SV2B: variants seen among roughly 807,000 people sequenced by gnomAD.
The protein encoded by SV2B is solute carrier family 22 member B2.
SV2B carries 41 observed loss-of-function variants against 73.9 expected under a neutral mutation model. The observed-to-expected ratio is 0.56, with a 90% confidence interval of 0.43 to 0.72. SV2B has a LOEUF of 0.72. Among genes scored for constraint, SV2B ranks in the 30% least tolerant of loss-of-function variants. The pLI is 0.00. For synonymous variants in SV2B, 314 were observed against 314.2 expected (o/e 1.00, Z 0.01); for missense variants, 764 against 857.8 (o/e 0.89, Z 1.37).
rs371434140 is a variant in SV2B at position 91,281,907 on chromosome 15, A to G, written c.1507+46A>G. On this transcript the variant is annotated intron_variant, in intron 10 of 12. Coordinates refer to ENST00000394232, the MANE Select transcript of SV2B (RefSeq NM_001323032.3). This position sits in a 1 kb window ranked among gnomAD's most constrained non-coding sequence, Gnocchi z 4.7. ...ATTGAATAGAAAGTAACAGGAGACAACTTGTGTTGTCCAAGAATCAAAATG... is the reference window on the plus strand; with the variant it reads ...ATTGAATAGAAAGTAACAGGAGACAGCTTGTGTTGTCCAAGAATCAAAATG... 4.5e-6 allele frequency: 7 copies of G among 1,552,868 alleles called. No homozygotes were observed. The East Asian group carries it at 1.1e-4, about 25-fold the overall frequency.
At position 91,300,575 on chromosome 15, in the gene SV2B, G is replaced by A. The variant is rs1010329230; in HGVS notation, c.*8023G>A. The A allele has an allele frequency of 2.6e-5, 4 of 152,204 alleles. No homozygotes were observed. The highest frequency in any genetic ancestry group is 2.0e-4 in the Admixed American group (3 of 15,292). The allele number at this position is 152,204 out of a possible 1,614,324, so 9.4% of individuals were successfully genotyped here. A position where few individuals can be genotyped will look rare whatever the true frequency, so the allele number is the denominator to read the frequency against. On this transcript the variant is annotated 3_prime_UTR_variant, in exon 13 of 13. Coordinates refer to ENST00000394232, the MANE Select transcript of SV2B (RefSeq NM_001323032.3). ...CAGGTTTCATTCTCTCCAGTGGGAGGTGGCCTAGACAGGTGCCGGTTTTGG... is the reference window on the plus strand; with the variant it reads ...CAGGTTTCATTCTCTCCAGTGGGAGATGGCCTAGACAGGTGCCGGTTTTGG...
intron 9 of SV2B, among the ~76,000 whole-genome samples, chr15:91,274,681 T>G (rs2048426806): frequency 6.6e-6 from 1 of 152,214 alleles, no homozygotes; most frequent in Admixed American, 6.5e-5. Flanking sequence ...TCTCACCAGC[T>G]ATTTAGAAGT....
rs976138265 is a variant in SV2B at position 91,197,603 on chromosome 15, G to C, written c.-391-28270G>C. Among the ~76,000 whole-genome samples, 1 of 151,966 alleles carries C rather than the reference G, an allele frequency of 6.6e-6. No individual in the cohort carries two copies. The highest frequency in any genetic ancestry group is 1.5e-5 in the Non-Finnish European group (1 of 67,998). On this transcript the variant is annotated intron_variant, in intron 1 of 12. Coordinates refer to ENST00000394232, the MANE Select transcript of SV2B (RefSeq NM_001323032.3). This position sits in a 1 kb window ranked among gnomAD's most constrained non-coding sequence, Gnocchi z 4.9. ...ACAAAATCACTGTAAAGACAAGAATGGATAAGTAAGGAGAGTTATCCCTAG... is the reference window on the plus strand; with the variant it reads ...ACAAAATCACTGTAAAGACAAGAATCGATAAGTAAGGAGAGTTATCCCTAG...
rs75673298 is a variant in SV2B at position 91,236,840 on chromosome 15, C to T, written c.451+10126C>T. ...CCCACACAAATATCTGGTACCCAAA[C>T]TGGAAGACGCAGATGGCTGGGGCTT... is the stretch of plus-strand genomic sequence containing the variant. On this transcript the variant is annotated intron_variant, in intron 2 of 12. Coordinates refer to ENST00000394232, the MANE Select transcript of SV2B (RefSeq NM_001323032.3). The surrounding 1 kb of genome is among the most constrained non-coding windows in gnomAD (Gnocchi z 4.1). 1.4e-3 allele frequency among the ~76,000 whole-genome samples: 215 copies of T among 152,200 alleles called. 1 individual carries two copies. The highest frequency in any genetic ancestry group is 3.1e-3 in the Admixed American group (48 of 15,280).
chr15:91,276,799 GTTGTTGTTA>G (rs372931590), intron 9 of SV2B, among the ~76,000 whole-genome samples: 12,066 of 77,242 alleles, frequency 0.16, 565 homozygotes, highest in Middle Eastern at 0.21. Flanking sequence ...TTATATTATT[GTTGTTGTTA>G]TTATTATTAT....
chr15:91,171,524 CT>C (rs1158944787), intron 1 of SV2B, among the ~76,000 whole-genome samples: 1 of 152,158 alleles, frequency 6.6e-6, no homozygotes, highest in East Asian at 1.9e-4. Flanking sequence ...TCACTTTATG[CT>C]CCCCTGGTCT....
chr15:91,147,399 C>G (rs1177925089), intron 1 of SV2B, among the ~76,000 whole-genome samples: 4 of 152,316 alleles, frequency 2.6e-5, no homozygotes, highest in Non-Finnish European at 4.4e-5. Flanking sequence ...TGCAGCCACT[C>G]CCCTCTTGGG....
chr15:91,255,222 G>T (rs2047642407), intron 4 of SV2B, among the ~76,000 whole-genome samples: 1 of 152,164 alleles, frequency 6.6e-6, no homozygotes, highest in Non-Finnish European at 1.5e-5. Context: ...AAGAATTCAG[G>T]TTGGGGACAT....
chr15:91,260,900 G>A (rs1332554675), intron 6 of SV2B, among the ~76,000 whole-genome samples: 1 of 152,172 alleles, frequency 6.6e-6, no homozygotes, highest in East Asian at 1.9e-4. Flanking sequence ...AGAACAGTAT[G>A]GGTGAAACCA....
chr15:91,254,534 G>T (rs1390661170), intron 4 of SV2B, among the ~76,000 whole-genome samples: 1 of 152,156 alleles, frequency 6.6e-6, no homozygotes, highest in African/African-American at 2.4e-5. Flanking sequence ...ACAGTGCCCG[G>T]CTTATTTTCA....
intron 5 of SV2B, 127 bp from the exon 6 acceptor site, chr15:91,260,193 T>C: frequency 2.7e-6 from 2 of 751,224 alleles, no homozygotes. Flanking sequence ...CCATGTGCAA[T>C]TGCCTCAGAC....
chr15:91,202,493 ATGAT>A (rs2045494986), intron 1 of SV2B, among the ~76,000 whole-genome samples: 3 of 152,206 alleles, frequency 2.0e-5, no homozygotes, highest in Non-Finnish European at 1.5e-5. Context: ...CTTGGGAAAA[ATGAT>A]TGATCTCTGT....
intron 1 of SV2B, among the ~76,000 whole-genome samples, chr15:91,167,091 G>A (rs922250389): frequency 6.6e-6 from 1 of 152,124 alleles, no homozygotes; most frequent in Non-Finnish European, 1.5e-5. Context: ...GGGATTACAG[G>A]CGTGAGCCAC....
intron 1 of SV2B, among the ~76,000 whole-genome samples, chr15:91,225,536 A>T (rs1018114324): frequency 4.0e-5 from 6 of 151,796 alleles, no homozygotes; most frequent in Non-Finnish European, 7.4e-5. Context: ...ATTTTATTTT[A>T]TTTTTTTATT....
At chr15:91,148,877 A>G (rs867768772) in intron 1 of SV2B, among the ~76,000 whole-genome samples, 1 of 152,186 alleles carries the variant, frequency 6.6e-6, no homozygotes, top group Non-Finnish European at 1.5e-5. Context: ...TGAACTGGAT[A>G]AATCCTACCC....
At chr15:91,134,223 C>A (rs748553016) in intron 1 of SV2B, among the ~76,000 whole-genome samples, 24 of 152,176 alleles carry the variant, frequency 1.6e-4, no homozygotes, top group Non-Finnish European at 3.2e-4. Context: ...GTCTCGAACT[C>A]CTGACCTCAG....
At chr15:91,183,109 G>A (rs1460132264) in intron 1 of SV2B, among the ~76,000 whole-genome samples, 1 of 152,184 alleles carries the variant, frequency 6.6e-6, no homozygotes, top group Non-Finnish European at 1.5e-5. Context: ...GCATCATTTG[G>A]AGTGATTAAC....
chr15:91,137,374 T>G lies in SV2B; in HGVS notation c.-392+37011T>G, dbSNP rs2042862243. ...AAGATGAGGGTGGCTTCAAAGCGTTTACCACAAAGCTATTATTTATTTTTA... is the reference window on the plus strand; with the variant it reads ...AAGATGAGGGTGGCTTCAAAGCGTTGACCACAAAGCTATTATTTATTTTTA... On this transcript the variant is annotated intron_variant, in intron 1 of 12. Coordinates refer to ENST00000394232, the MANE Select transcript of SV2B (RefSeq NM_001323032.3). The surrounding 1 kb of genome is among the most constrained non-coding windows in gnomAD (Gnocchi z 4.9). Among the ~76,000 whole-genome samples, 1 of 152,042 alleles carries G rather than the reference T, an allele frequency of 6.6e-6. No homozygotes were observed.
At position 91,252,528 on chromosome 15, in the gene SV2B, A is replaced by C. The variant is rs16945457; in HGVS notation, c.784+8A>C. ...GCATCATCCCACACTATGGTGAGTC[A>C]TGGCTCCAAACAGCCTAGGGGGCCC... On this transcript the variant is annotated splice_region_variant and intron_variant, in intron 4 of 12. Coordinates refer to ENST00000394232, the MANE Select transcript of SV2B (RefSeq NM_001323032.3). The surrounding 1 kb of genome is among the most constrained non-coding windows in gnomAD (Gnocchi z 4.6). The C allele has an allele frequency of 0.19, 300,587 of 1,595,544 alleles. 32,703 individuals are homozygous for C. The highest frequency in any genetic ancestry group is 0.45 in the African/African-American group (33,621 of 73,958).
Sources: gnomAD v4.1 joint callset for allele counts (sites outside exome capture counted in the v4.1 genomes callset) on GRCh38, gnomAD v4.1.1 for gene constraint, Gnocchi (gnomAD v3.1) non-coding constraint, MANE v1.5 for transcripts, NCBI Gene and HGNC (gene_info 2026-07-23, HGNC 2026-07-21) for gene names.